Variants in PRR14L observed in about 807,000 individuals in gnomAD.
PRR14L encodes proline rich 14 like, also known as protein PRR14L.
Under a neutral mutation model 155.0 loss-of-function variants are expected in PRR14L, and 80 were observed. The observed-to-expected ratio is 0.52, with a 90% confidence interval of 0.43 to 0.62. The LOEUF (loss-of-function observed/expected upper bound fraction) is 0.62. Ranked by LOEUF, PRR14L falls within the 20% of genes least tolerant of loss-of-function variation. The pLI is 0.00. For synonymous variants in PRR14L, 883 were observed against 916.0 expected (o/e 0.96, Z 0.65); for missense variants, 2,469 against 2,548.0 (o/e 0.97, Z 0.67).
Position 31,715,550 on chromosome 22 carries a change from T to C in PRR14L, c.2289A>G (p.Arg763=). 1 of 1,552,124 alleles carries C rather than the reference T, an allele frequency of 6.4e-7. No individual in the cohort carries two copies. Among genetic ancestry groups the C allele is most frequent in the Non-Finnish European group, 8.7e-7 (1 of 1,147,060 alleles). ...ALHSRLRSNK[R]EAAGFPQVVS... is the part of the protein sequence containing the mutation. ...CCACTTGAGGAAAGCCAGCTGCTTC[T>C]CTCTTATTTGAGCGCAGCCTGGAAT... The change falls in exon 4 of 9, where the codon AGA becomes AGG. Residue 763 remains arginine (R), a synonymous_variant. Coordinates refer to ENST00000327423, the MANE Select transcript of PRR14L (RefSeq NM_173566.3).
At chr22:31,703,851 G>A (rs2074575823) in intron 5 of PRR14L, 130 bp from the exon 6 acceptor site, 4 of 558,638 alleles carry the variant, frequency 7.2e-6, no homozygotes, top group Non-Finnish European at 1.2e-5. Context: ...AGACTGGAGT[G>A]CAATGGTACG....
chr22:31,747,055 C>T (rs1286557445), intron 1 of PRR14L, among the ~76,000 whole-genome samples: 9 of 151,948 alleles, frequency 5.9e-5, no homozygotes, highest in African/African-American at 4.8e-5. Context: ...CCGCCCGCCT[C>T]GGCCTCCCAA....
At chr22:31,705,353 T>A (rs780836927) in intron 4 of PRR14L, among the ~76,000 whole-genome samples, 1 of 152,160 alleles carries the variant, frequency 6.6e-6, no homozygotes, top group Non-Finnish European at 1.5e-5. Context: ...TATAACCTTA[T>A]AAAATATTAG....
intron 4 of PRR14L, among the ~76,000 whole-genome samples, chr22:31,707,848 CTT>C (rs2074600053): frequency 1.3e-5 from 2 of 152,086 alleles, no homozygotes; most frequent in African/African-American, 2.4e-5. Context: ...AATAAGAGAA[CTT>C]TTAAAAATAA....
Position 31,685,765 on chromosome 22 carries a change from T to C in PRR14L, c.6218A>G (p.Asn2073Ser). 1 of 1,551,644 alleles carries C rather than the reference T, an allele frequency of 6.4e-7. No individual in the cohort carries two copies. The highest frequency in any genetic ancestry group is 8.7e-7 in the Non-Finnish European group (1 of 1,146,984). The change falls in exon 9 of 9, where the codon AAT becomes AGT. Residue 2073 changes from asparagine to serine, a missense_variant. Transcript: ENST00000327423. ...ETIFEEPKERNGTLISISQQK... is the reference protein window; with the variant it reads ...ETIFEEPKERSGTLISISQQK... ...TTGGCTGATTGAGATTAGTGTACCA[T>C]TTCGTTCCTTGGGTTCCTCAAAGAT...
intron 1 of PRR14L, among the ~76,000 whole-genome samples, chr22:31,739,837 G>A (rs1484696275): frequency 3.3e-5 from 5 of 152,110 alleles, no homozygotes; most frequent in Non-Finnish European, 7.3e-5. Context: ...CACTATACAA[G>A]TAGCCAAAAC....
At chr22:31,702,530 T>G (rs369786425) in intron 6 of PRR14L, among the ~76,000 whole-genome samples, 3 of 152,054 alleles carry the variant, frequency 2.0e-5, no homozygotes, top group African/African-American at 4.8e-5. Flanking sequence ...CTTATTTATT[T>G]TTTGAGATGG....
rs929311781 is a variant in PRR14L, at chr22:31,713,324, T to C, written c.4515A>G (p.Gln1505=). The part of the protein sequence containing the change: ...AQDPSSAGCD[Q]IHGAFAKKGV... ...CTTTCTTCGCAAAGGCACCATGTAT[T>C]TGATCACACCCAGCAGAGGAGGGGT... The change falls in exon 4 of 9, where the codon CAA becomes CAG. Residue 1505 remains glutamine (Q), a synonymous_variant. Coordinates refer to ENST00000327423, the MANE Select transcript of PRR14L (RefSeq NM_173566.3). 3.9e-6 allele frequency: 6 copies of C among 1,552,200 alleles called. No individual in the cohort carries two copies. Among genetic ancestry groups the C allele is most frequent in the Non-Finnish European group, 4.4e-6 (5 of 1,147,130 alleles).
intron 4 of PRR14L, among the ~76,000 whole-genome samples, chr22:31,711,776 C>CAAAAAAAAA (rs757790329): frequency 6.2e-5 from 3 of 48,728 alleles, no homozygotes; most frequent in African/African-American, 7.1e-5. Flanking sequence ...AAGAGTTAAT[C>CAAAAAAAAA]AAAAAAAAAA....
chr22:31,701,578 C>A (rs1238004378), intron 7 of PRR14L, 78 bp downstream of exon 7: 15 of 794,642 alleles, frequency 1.9e-5, no homozygotes, highest in Admixed American at 2.5e-5. Flanking sequence ...GAGTGTAGGA[C>A]CATTTAAAGG....
chr22:31,743,919 A>C (rs1217702184), intron 1 of PRR14L, among the ~76,000 whole-genome samples: 1 of 151,816 alleles, frequency 6.6e-6, no homozygotes, highest in African/African-American at 2.4e-5. Flanking sequence ...GAATTCATTC[A>C]ATCTATTGAA....
chr22:31,691,960 T>C (rs566521017), intron 7 of PRR14L, among the ~76,000 whole-genome samples: 1 of 152,070 alleles, frequency 6.6e-6, no homozygotes, highest in African/African-American at 2.4e-5. Context: ...CTCCACCTCC[T>C]GCGTTAAGGC....
rs1480009164 is a variant in PRR14L at position 31,716,155 on chromosome 22, A to G, written c.1684T>C (p.Cys562Arg). The part of the protein sequence containing the change: ...EGNTQLNEAS[C>R]NDFLFERKSI... ...TTTCTTTCAAACAGAAAATCATTAC[A>G]TGATGCTTCATTTAACTGGGTGTTG... Residue 562 changes from cysteine (C) to arginine (R), a missense_variant, in exon 4 of 9, where the codon TGT becomes CGT. Coordinates refer to ENST00000327423, the MANE Select transcript of PRR14L (RefSeq NM_173566.3). 4 of 1,551,454 alleles carry G rather than the reference A, an allele frequency of 2.6e-6. No homozygotes were observed. Among genetic ancestry groups the G allele is most frequent in the East Asian group, 4.9e-5 (2 of 40,912 alleles).
chr22:31,731,261 A>G (rs1018518672), intron 2 of PRR14L, among the ~76,000 whole-genome samples: 8 of 152,176 alleles, frequency 5.3e-5, no homozygotes. Context: ...TTCTATGTGT[A>G]TATATTAAGA....
At chr22:31,695,426 T>C (rs2147854497) in intron 7 of PRR14L, among the ~76,000 whole-genome samples, 1 of 152,242 alleles carries the variant, frequency 6.6e-6, no homozygotes, top group Admixed American at 6.5e-5. Flanking sequence ...TTAATATATG[T>C]TGGGGTGTCT....
At position 31,704,664 on chromosome 22, in the gene PRR14L, C is replaced by T. The variant is rs747732738; in HGVS notation, c.5819G>A (p.Ser1940Asn). 6.2e-7 allele frequency: 1 copy of T among 1,613,792 alleles called. No homozygotes were observed. Among genetic ancestry groups the T allele is most frequent in the East Asian group, 2.2e-5 (1 of 44,890 alleles). The change falls in exon 5 of 9, where the codon AGT (serine) becomes AAT (asparagine). Residue 1940 changes from serine to asparagine, a missense_variant. Around this residue, in one of 2 missense-constraint regions of PRR14L, gnomAD observed 2,363 missense variants for 2,371.6 expected, o/e 1.00. Transcript: ENST00000327423. ...AGTCTCATGTGCTTACCTCGTCTGACTGCCGCTGGTGTTATATGTAGCTTC... is the reference window on the plus strand; with the variant it reads ...AGTCTCATGTGCTTACCTCGTCTGATTGCCGCTGGTGTTATATGTAGCTTC... ...GMEATYNTSG[S>N]QTRLEPPFPA...
intron 3 of PRR14L, among the ~76,000 whole-genome samples, chr22:31,724,776 G>A (rs993941872): frequency 6.6e-6 from 1 of 152,100 alleles, no homozygotes; most frequent in Admixed American, 6.6e-5. Context: ...GGTGAGAAGA[G>A]GAGAACCTTA....
chr22:31,703,087 A>G (rs557666461), intron 6 of PRR14L, among the ~76,000 whole-genome samples: 1 of 152,248 alleles, frequency 6.6e-6, no homozygotes, highest in East Asian at 1.9e-4. Context: ...AAGTGCTGAG[A>G]TTACAGGCGT....
At chr22:31,692,012 C>A (rs993651506) in intron 7 of PRR14L, among the ~76,000 whole-genome samples, 2 of 152,070 alleles carry the variant, frequency 1.3e-5, no homozygotes, top group African/African-American at 4.8e-5. Context: ...GGATTACAGG[C>A]ACGCACCACC....
Sources: gnomAD v4.1 joint callset for allele counts (sites outside exome capture counted in the v4.1 genomes callset) on GRCh38, gnomAD v4.1.1 for gene constraint, gnomAD v4.1.1 regional missense constraint, MANE v1.5 for transcripts, NCBI Gene and HGNC (gene_info 2026-07-23, HGNC 2026-07-21) for gene names.